The following FBN3 variants were observed in gnomAD, a reference collection of about 807,000 sequenced individuals.
The protein encoded by FBN3 is fibrillin-3.
Under a neutral mutation model 330.1 loss-of-function variants are expected in FBN3, and 234 were observed. The ratio of observed to expected loss-of-function variants is 0.71; its 90% CI spans 0.64 to 0.79. The LOEUF is 0.79. Ranked by LOEUF, FBN3 falls within the 30% of genes least tolerant of loss-of-function variation. FBN3 has a pLI of 0.00. For missense variants in FBN3, 3,606 were observed against 3,886.9 expected (o/e 0.93, Z 1.92); for synonymous variants, 1,458 against 1,517.3 (o/e 0.96, Z 0.91).
intron 38 of FBN3, among the ~76,000 whole-genome samples, chr19:8,104,623 T>TTGATAC (rs1250662277): frequency 1.3e-5 from 2 of 152,132 alleles, no homozygotes; most frequent in Admixed American, 6.5e-5. Context: ...ATCAAGGACC[T>TTGATAC]TATGGATAAA....
At chr19:8,147,569 G>T in intron 1 of FBN3, 72 bp from the exon 2 acceptor site, 1 of 1,334,426 alleles carries the variant, frequency 7.5e-7, no homozygotes, top group Non-Finnish European at 9.8e-7. Context: ...ACACAACGAG[G>T]AGGGCAGGGT....
intron 6 of FBN3, 55 bp from the exon 7 acceptor site, chr19:8,142,192 C>T: frequency 2.1e-6 from 3 of 1,403,906 alleles, no homozygotes; most frequent in African/African-American, 1.4e-5. Context: ...GTCTGGAGAT[C>T]TCTGCGTCTC....
intron 39 of FBN3, among the ~76,000 whole-genome samples, chr19:8,103,159 T>G (rs1268269980): frequency 1.3e-5 from 2 of 149,010 alleles, no homozygotes; most frequent in Non-Finnish European, 3.0e-5. Flanking sequence ...CCCAGCTACT[T>G]GGGAGGCTGA....
intron 61 of FBN3, 110 bp from the exon 62 acceptor site, chr19:8,073,407 A>G (rs1422621236): frequency 1.6e-5 from 14 of 859,776 alleles, no homozygotes; most frequent in Non-Finnish European, 2.2e-5. Flanking sequence ...CCCAAGTCCA[A>G]TGCCAAACTC....
At chr19:8,139,036 AG>A (rs1421389387) in intron 8 of FBN3, among the ~76,000 whole-genome samples, 1 of 152,018 alleles carries the variant, frequency 6.6e-6, no homozygotes, top group African/African-American at 2.4e-5. Context: ...CCTGGGCAAC[AG>A]AGCGAGACTC....
chr19:8,146,139 C>A lies in FBN3; in HGVS notation c.337G>T (p.Gly113Trp). 6.3e-7 allele frequency: 1 copy of A among 1,595,944 alleles called. No homozygotes were observed. The highest frequency in any genetic ancestry group is 8.5e-7 in the Non-Finnish European group (1 of 1,172,752). The stretch of plus-strand genomic sequence containing the variant: ...GCTTCCCGCTCACCTCGGCTCACCC[C>A]GCAGCTGGGAGCCAGCGTCCCATCC... ...CADGTLAPSC[G>W]VSRGSGCSVS... The change falls in exon 4 of 64, where the codon GGG (glycine) becomes TGG (tryptophan). Residue 113 changes from glycine (G) to tryptophan (W), a missense_variant. Transcript: ENST00000600128.
intron 8 of FBN3, 122 bp downstream of exon 8, chr19:8,141,595 G>C (rs1334356692): frequency 1.8e-6 from 2 of 1,121,280 alleles, no homozygotes; most frequent in Non-Finnish European, 2.5e-6. Context: ...ACATAAACAG[G>C]GACAAGGTCA....
chr19:8,125,520 G>A (rs1281551967), intron 22 of FBN3, among the ~76,000 whole-genome samples: 1 of 152,158 alleles, frequency 6.6e-6, no homozygotes, highest in Non-Finnish European at 1.5e-5. Context: ...GCCAGGCGTG[G>A]TGGCTCACGC....
At chr19:8,140,294 T>A (rs539203590) in intron 8 of FBN3, among the ~76,000 whole-genome samples, 1 of 151,996 alleles carries the variant, frequency 6.6e-6, no homozygotes, top group East Asian at 1.9e-4. Context: ...TGAAACCCCG[T>A]CTCTACTAAA....
intron 34 of FBN3, among the ~76,000 whole-genome samples, chr19:8,110,508 T>C (rs1027966665): frequency 4.6e-5 from 7 of 152,238 alleles, no homozygotes; most frequent in African/African-American, 1.7e-4. Context: ...TGGCTGCTTT[T>C]GAGCTACAAT....
intron 38 of FBN3, among the ~76,000 whole-genome samples, chr19:8,105,342 C>T (rs758355562): frequency 2.0e-5 from 3 of 151,460 alleles, no homozygotes; most frequent in Non-Finnish European, 2.9e-5. Flanking sequence ...ACTGCAGCCT[C>T]GACTTCCGAG....
At chr19:8,068,576 C>T (rs2081442025) in intron 63 of FBN3, among the ~76,000 whole-genome samples, 1 of 151,572 alleles carries the variant, frequency 6.6e-6, no homozygotes, top group Admixed American at 6.6e-5. Flanking sequence ...GGTACATGTA[C>T]CTGTGGTCTC....
At position 8,123,795 on chromosome 19, in the gene FBN3, G is replaced by A. The variant is rs1276023719; in HGVS notation, c.2945C>T (p.Pro982Leu). The change falls in exon 23 of 64, where the codon CCA (proline) becomes CTA (leucine). Residue 982 changes from proline (P) to leucine (L), a missense_variant. Coordinates refer to ENST00000600128, the MANE Select transcript of FBN3 (RefSeq NM_032447.5). Reference sequence around the variant, plus strand: ...TTCCCCAACCGCACCTTTATAGAATGGTCGGCCAGACAGGAAGTCCCGGCT... The same window carrying A: ...TTCCCCAACCGCACCTTTATAGAATAGTCGGCCAGACAGGAAGTCCCGGCT... ...FASRDFLSGR[P>L]FYKDVNECKV... 2.5e-6 allele frequency: 4 copies of A among 1,613,306 alleles called. No individual in the cohort carries two copies. The highest frequency in any genetic ancestry group is 1.7e-6 in the Non-Finnish European group (2 of 1,179,920).
intron 1 of FBN3, chr19:8,147,774 G>A: frequency 3.0e-6 from 1 of 335,974 alleles, no homozygotes; most frequent in Non-Finnish European, 5.4e-6. Context: ...GGCCAGGTGG[G>A]GCCAGGTGGG....
chr19:8,148,564 G>A (rs976874661), intron 1 of FBN3, among the ~76,000 whole-genome samples: 7 of 152,338 alleles, frequency 4.6e-5, no homozygotes, highest in African/African-American at 1.4e-4. Context: ...GGACGGGAGG[G>A]AGAAGACCGG....
At chr19:8,091,357 C>A (rs1423267682) in intron 48 of FBN3, 108 bp downstream of exon 48, 29 of 1,426,098 alleles carry the variant, frequency 2.0e-5, no homozygotes, top group Middle Eastern at 1.8e-4. Context: ...TCTGCCTGGT[C>A]AGAGCTCCCA....
chr19:8,130,859 A>T (rs137857618), intron 16 of FBN3, among the ~76,000 whole-genome samples: 1 of 151,458 alleles, frequency 6.6e-6, no homozygotes, highest in African/African-American at 2.4e-5. Flanking sequence ...TCACCTCTAA[A>T]AAAGGGTGGG....
At chr19:8,085,968 A>G (rs1051014228) in intron 55 of FBN3, among the ~76,000 whole-genome samples, 5 of 131,794 alleles carry the variant, frequency 3.8e-5, no homozygotes, top group Admixed American at 3.1e-4. Flanking sequence ...GCTCCCAGAC[A>G]GTGGGAGGGA....
rs972518687 is a variant in FBN3 at position 8,080,897 on chromosome 19, C to T, written c.7453+106G>A. On this transcript the variant is annotated intron_variant, in intron 59 of 63. Coordinates refer to ENST00000600128, the MANE Select transcript of FBN3 (RefSeq NM_032447.5). ...TCAGCTTTCCAAAGTGCTGGGATTACAGGCGTGAGCCATTGCGCCTGGCCA... is the reference window on the plus strand; with the variant it reads ...TCAGCTTTCCAAAGTGCTGGGATTATAGGCGTGAGCCATTGCGCCTGGCCA... 7.9e-6 allele frequency: 6 copies of T among 764,272 alleles called. No individual in the cohort carries two copies. The African/African-American group carries it at 8.6e-5, about 11-fold the overall frequency. 47.3% of individuals were successfully genotyped at this position (764,272 alleles called of 1,614,324 possible).
Sources: allele counts gnomAD v4.1 joint callset (sites outside exome capture counted in the v4.1 genomes callset), GRCh38; gene constraint gnomAD v4.1.1; transcripts MANE v1.5; gene names NCBI Gene and HGNC (gene_info 2026-07-23, HGNC 2026-07-21).